Variants in ARSB observed in about 807,000 individuals in gnomAD.
ARSB encodes the protein N-acetylgalactosamine-4-sulfatase.
Under a neutral mutation model 50.9 loss-of-function variants are expected in ARSB, and 41 were observed. The ratio of observed to expected loss-of-function variants is 0.81; its 90% CI spans 0.63 to 1.04. ARSB has a LOEUF of 1.04. Among genes scored for constraint, ARSB ranks in the 50% least tolerant of loss-of-function variants. The pLI is 0.00. For synonymous variants in ARSB, 269 were observed against 284.8 expected (o/e 0.94, Z 0.56); for missense variants, 672 against 693.3 (o/e 0.97, Z 0.35).
intron 4 of ARSB, among the ~76,000 whole-genome samples, chr5:78,889,425 GA>G (rs1748180370): frequency 6.6e-6 from 1 of 152,062 alleles, no homozygotes. Flanking sequence ...TTCATTTCCT[GA>G]CTGACATATG....
In ARSB at chr5:78,781,990, T is replaced by A; in HGVS notation, c.1214-16A>T. On this transcript the variant is annotated splice_polypyrimidine_tract_variant and intron_variant, in intron 6 of 7. Transcript: ENST00000264914. The stretch of plus-strand genomic sequence containing the variant: ...TTCCTGGGACCTGGGAAGAAATAGT[T>A]TGAAAGAATTAGATCACTGTTATTG... 1 of 1,614,046 alleles carries A rather than the reference T, an allele frequency of 6.2e-7. No individual in the cohort carries two copies. Among genetic ancestry groups the A allele is most frequent in the East Asian group, 2.2e-5 (1 of 44,886 alleles).
chr5:78,928,376 T>C (rs150607631), intron 4 of ARSB, among the ~76,000 whole-genome samples: 3,567 of 126,476 alleles, frequency 0.028, 152 homozygotes, highest in African/African-American at 0.096. Flanking sequence ...AGTGCAGTGG[T>C]GCCATCTCAG....
chr5:78,836,005 A>G (rs1399322455), intron 6 of ARSB, among the ~76,000 whole-genome samples: 1 of 152,194 alleles, frequency 6.6e-6, no homozygotes, highest in Non-Finnish European at 1.5e-5. Flanking sequence ...ATTTAACTCC[A>G]CAAAAGCCTC....
At chr5:78,848,618 A>C (rs115753437) in intron 5 of ARSB, among the ~76,000 whole-genome samples, 3,760 of 151,484 alleles carry the variant, frequency 0.025, 119 homozygotes, top group South Asian at 0.11. Flanking sequence ...TTTCTAGTCT[A>C]GTTCTAGATC....
intron 7 of ARSB, among the ~76,000 whole-genome samples, 157 bp from the exon 8 acceptor site, chr5:78,780,819 G>C (rs928895390): frequency 6.6e-5 from 10 of 152,096 alleles, no homozygotes; most frequent in Non-Finnish European, 1.3e-4. Context: ...TCTCAGACTT[G>C]ACTTCTGGTG....
chr5:78,983,599 C>T (rs1753013550), intron 1 of ARSB, among the ~76,000 whole-genome samples: 1 of 152,138 alleles, frequency 6.6e-6, no homozygotes. Flanking sequence ...TTCCTAATTA[C>T]ACGTAGCAGC....
At position 78,886,883 on chromosome 5, in the gene ARSB, C is replaced by T. The variant is rs78289670; in HGVS notation, c.899-1056G>A. Among the ~76,000 whole-genome samples the T allele has an allele frequency of 7.4e-4, 112 of 152,270 alleles. No individual in the cohort carries two copies. In the East Asian group the frequency reaches 0.018, roughly 24 times the overall value. On this transcript the variant is annotated intron_variant, in intron 4 of 7. Transcript: ENST00000264914. ...TTAAGAAATCAGAGATCTATCAAAGCTACAAGATGCATCTGGGAGGAAAGA... is the reference window on the plus strand; with the variant it reads ...TTAAGAAATCAGAGATCTATCAAAGTTACAAGATGCATCTGGGAGGAAAGA...
intron 6 of ARSB, among the ~76,000 whole-genome samples, chr5:78,796,801 A>T (rs1390552379): frequency 7.1e-6 from 1 of 140,964 alleles, no homozygotes; most frequent in Non-Finnish European, 1.5e-5. Flanking sequence ...CTACAGGCAC[A>T]CGCCACCATG....
At chr5:78,905,910 C>CAAAAAAAAAAAAAAAAAAA (rs57651882) in intron 4 of ARSB, among the ~76,000 whole-genome samples, 1 of 94,434 alleles carries the variant, frequency 1.1e-5, no homozygotes, top group Non-Finnish European at 2.1e-5. Context: ...AGCAAAGTAG[C>CAAAAAAAAAAAAAAAAAAA]AAAAAAAAAA....
At chr5:78,792,174 T>C (rs1446920498) in intron 6 of ARSB, among the ~76,000 whole-genome samples, 1 of 151,416 alleles carries the variant, frequency 6.6e-6, no homozygotes, top group African/African-American at 2.4e-5. Flanking sequence ...AGGCCAGGAG[T>C]TCGAGACCAG....
chr5:78,784,005 T>TAAA (rs72100328), intron 6 of ARSB, among the ~76,000 whole-genome samples: 1 of 151,878 alleles, frequency 6.6e-6, no homozygotes, highest in African/African-American at 2.4e-5. Context: ...TGCCTTTTTT[T>TAAA]AAAAAAAATA....
intron 4 of ARSB, among the ~76,000 whole-genome samples, chr5:78,901,760 T>C (rs1024412857): frequency 2.0e-5 from 3 of 152,182 alleles, no homozygotes; most frequent in Non-Finnish European, 2.9e-5. Flanking sequence ...AGATGGTCAA[T>C]AGATACACAA....
At chr5:78,784,518 T>C (rs1749025825) in intron 6 of ARSB, among the ~76,000 whole-genome samples, 1 of 152,250 alleles carries the variant, frequency 6.6e-6, no homozygotes, top group Non-Finnish European at 1.5e-5. Flanking sequence ...TAAAGCCATC[T>C]AGGCCTAGAG....
intron 4 of ARSB, among the ~76,000 whole-genome samples, chr5:78,925,704 T>C (rs1750013479): frequency 6.6e-6 from 1 of 152,220 alleles, no homozygotes; most frequent in Admixed American, 6.5e-5. Flanking sequence ...TGTGATACTA[T>C]GATTGCAGCA....
chr5:78,836,223 C>A (rs1371306188), intron 6 of ARSB, among the ~76,000 whole-genome samples: 1 of 152,130 alleles, frequency 6.6e-6, no homozygotes, highest in African/African-American at 2.4e-5. Flanking sequence ...AAAAACTGGG[C>A]AGAAAAGGCC....
intron 6 of ARSB, among the ~76,000 whole-genome samples, chr5:78,834,340 T>A (rs1312581733): frequency 6.6e-6 from 1 of 151,938 alleles, no homozygotes; most frequent in Non-Finnish European, 1.5e-5. Flanking sequence ...ACATTCACGT[T>A]GTTATGCTGT....
chr5:78,841,132 G>GTACTACTACTACTAC (rs71613989), intron 5 of ARSB, among the ~76,000 whole-genome samples: 6,502 of 134,578 alleles, frequency 0.048, 226 homozygotes, highest in Non-Finnish European at 0.055. Context: ...GACCTGGTCT[G>GTACTACTACTACTAC]TACTACTACT....
In ARSB at chr5:78,984,925, G is replaced by A. The variant is rs556731547; in HGVS notation, c.312+12C>T. The A allele has an allele frequency of 4.5e-6, 6 of 1,335,656 alleles. No individual in the cohort carries two copies. The East Asian group carries it at 9.3e-5, about 21-fold the overall frequency. 82.7% of individuals were successfully genotyped at this position (1,335,656 alleles called of 1,614,324 possible). A position where few individuals can be genotyped will look rare whatever the true frequency, so the allele number is the denominator to read the frequency against. ...GGGCGGGGGCGGCGCGGGCGGCGGG[G>A]GCGCCGCGTACCTGGTAGCGGCCAG... On this transcript the variant is annotated intron_variant, in intron 1 of 7. Coordinates refer to ENST00000264914, the MANE Select transcript of ARSB (RefSeq NM_000046.5).
intron 4 of ARSB, among the ~76,000 whole-genome samples, chr5:78,930,464 T>G (rs930962012): frequency 3.3e-5 from 5 of 152,320 alleles, no homozygotes; most frequent in Non-Finnish European, 7.3e-5. Context: ...AAGATCCTTT[T>G]CTTTGAATAG....
Sources: allele counts gnomAD v4.1 joint callset (sites outside exome capture counted in the v4.1 genomes callset), GRCh38; gene constraint gnomAD v4.1.1; transcripts MANE v1.5; gene names NCBI Gene and HGNC (gene_info 2026-07-23, HGNC 2026-07-21).